Variants in APOH observed in about 807,000 individuals in gnomAD.
APOH encodes the protein apolipoprotein H.
A neutral mutation model predicts 39.8 loss-of-function variants in APOH; 48 were observed. The ratio of observed to expected loss-of-function variants is 1.21; its 90% confidence interval spans 0.96 to 1.54. The LOEUF is 1.54. Ranked by LOEUF, APOH falls within the 40% of genes most tolerant of loss-of-function variation. APOH has a pLI of 0.00. For missense variants in APOH, 415 were observed against 421.2 expected, an observed-to-expected ratio of 0.99 and a Z score of 0.13; for synonymous variants, 153 against 151.1, an observed-to-expected ratio of 1.01 and a Z score of -0.09.
intron 3 of APOH, among the ~76,000 whole-genome samples, chr17:66,224,857 A>T (rs928051602): frequency 6.6e-6 from 1 of 152,028 alleles, no homozygotes; most frequent in Non-Finnish European, 1.5e-5. Flanking sequence ...TCACAAGGTC[A>T]GGAGTCCAAG....
In APOH at chr17:66,229,089, A is replaced by G. The variant is rs569623430; in HGVS notation, c.64+227T>C. On this transcript the variant is annotated intron_variant, in intron 1 of 7. Transcript: ENST00000205948. ...CTCAACTGATTCGCCCACCTCGGCC[A>G]TGATGCCCAGCTAATTTTTGTATTT... 1.3e-3 allele frequency among the ~76,000 whole-genome samples: 197 copies of G among 152,044 alleles called. 1 individual carries two copies. Among genetic ancestry groups the G allele is most frequent in the Non-Finnish European group, 2.3e-3 (159 of 67,984 alleles).
At chr17:66,220,521 AC>A in intron 5 of APOH, 32 bp downstream of exon 5, 1 of 1,598,490 alleles carries the variant, frequency 6.3e-7, no homozygotes, top group Non-Finnish European at 8.6e-7. Context: ...ATCTTGCCCT[AC>A]CATGCGTATT....
At chr17:66,226,621 C>CAAAA (rs60139772) in intron 2 of APOH, among the ~76,000 whole-genome samples, 7 of 133,818 alleles carry the variant, frequency 5.2e-5, no homozygotes, top group Admixed American at 7.5e-5. Context: ...ACTCCGTCTC[C>CAAAA]AAAAAAAAAA....
At chr17:66,218,452 G>A (rs78001968) in intron 5 of APOH, among the ~76,000 whole-genome samples, 11,112 of 151,970 alleles carry the variant, frequency 0.073, 425 homozygotes, top group African/African-American at 0.098. Context: ...GAGACTACAG[G>A]CGCACGCCAC....
intron 6 of APOH, 141 bp from the exon 7 acceptor site, chr17:66,214,791 T>C (rs2073354933): frequency 1.5e-6 from 1 of 676,290 alleles, no homozygotes; most frequent in African/African-American, 1.8e-5. Flanking sequence ...ATATAGTAAG[T>C]AATGGTAATA....
Position 66,214,468 on chromosome 17 carries a change from G to C in APOH, c.967C>G (p.Pro323Ala). The change falls in exon 7 of 8, where the codon CCC (proline) becomes GCC (alanine). Residue 323 changes from proline to alanine, a missense_variant. Coordinates refer to ENST00000205948, the MANE Select transcript of APOH (RefSeq NM_000042.3). ...AQCIDGTIEV[P>A]KCFKEHSSLA... is the part of the protein sequence containing the mutation. ...GCAGACTTACCCTTGAAGCATTTGGGGACTTCGATAGTGCCATCTATACAC... is the reference window on the plus strand; with the variant it reads ...GCAGACTTACCCTTGAAGCATTTGGCGACTTCGATAGTGCCATCTATACAC... The C allele has an allele frequency of 6.2e-7, 1 of 1,613,692 alleles. No homozygotes were observed. The highest frequency in any genetic ancestry group is 1.3e-5 in the African/African-American group (1 of 75,006).
intron 4 of APOH, among the ~76,000 whole-genome samples, chr17:66,220,996 C>T (rs1250119736): frequency 6.6e-6 from 1 of 151,912 alleles, no homozygotes; most frequent in Non-Finnish European, 1.5e-5. Flanking sequence ...AATTTCAGAC[C>T]AGCCTGGTCA....
intron 3 of APOH, among the ~76,000 whole-genome samples, chr17:66,224,195 A>G (rs1290331718): frequency 6.6e-6 from 1 of 152,158 alleles, no homozygotes; most frequent in African/African-American, 2.4e-5. Flanking sequence ...TAGCATTCTG[A>G]CTGGGTACTT....
At chr17:66,216,713 C>T (rs988048954) in intron 6 of APOH, 75 bp downstream of exon 6, 4 of 1,421,434 alleles carry the variant, frequency 2.8e-6, no homozygotes, top group Non-Finnish European at 3.8e-6. Context: ...AGTGTTGGAA[C>T]AAGAAAATAG....
intron 5 of APOH, among the ~76,000 whole-genome samples, chr17:66,217,501 C>T (rs138926766): frequency 6.6e-6 from 1 of 152,150 alleles, no homozygotes; most frequent in East Asian, 1.9e-4. Flanking sequence ...ACAGTAGAGG[C>T]CCAAACCCAC....
chr17:66,220,807 G>T, intron 4 of APOH, 65 bp from the exon 5 acceptor site: 2 of 1,376,398 alleles, frequency 1.5e-6, no homozygotes, highest in Non-Finnish European at 2.0e-6. Flanking sequence ...ACTCTTTCCA[G>T]AAAGAAAAAA....
chr17:66,212,144 T>A lies in APOH; in HGVS notation c.1027A>T (p.Lys343Ter), dbSNP rs760240363. ...ATCTGAAAACCACCTTAGCATGGCT[T>A]TACATCGGATGCATCAGTTTTCCAA... ...AFWKTDASDV[K>*]PC Residue 343 changes from lysine to a stop codon, truncating the protein, a stop_gained, in exon 8 of 8, where the codon AAG becomes TAG. Transcript: ENST00000205948. LOFTEE classifies it high-confidence loss of function. 3 of 1,613,740 alleles carry A rather than the reference T, an allele frequency of 1.9e-6. No homozygotes were observed. The highest frequency in any genetic ancestry group is 3.3e-5 in the Admixed American group (2 of 59,994).
In APOH at chr17:66,219,748, G is replaced by A. The variant is rs148774873; in HGVS notation, c.604+806C>T. ...AGCCAGATGATCATGGTGAAACTCC[G>A]TCTCTACTAAAAATACAAAAATTAG... On this transcript the variant is annotated intron_variant, in intron 5 of 7. Transcript: ENST00000205948. 4.1e-3 allele frequency among the ~76,000 whole-genome samples: 629 copies of A among 152,128 alleles called. 3 individuals are homozygous for A. The highest frequency in any genetic ancestry group is 6.8e-3 in the Non-Finnish European group (464 of 67,992).
chr17:66,216,936 GTC>G lies in APOH; in HGVS notation c.634_635del (p.Asp212GlnfsTer17), dbSNP rs771107907. ...EVKCPFPSRP[D>X]NGFVNYPAKP... ...TTGCAGGATAGTTCACAAATCCATT[GTC>G]TGGTCTTGATGGGAATGGGCATTTT... is the stretch of plus-strand genomic sequence containing the variant. On this transcript the variant is annotated frameshift_variant, in exon 6 of 8. Coordinates refer to ENST00000205948, the MANE Select transcript of APOH (RefSeq NM_000042.3). LOFTEE classifies it high-confidence loss of function. The G allele has an allele frequency of 4.4e-6, 7 of 1,606,358 alleles. No homozygotes were observed. The Admixed American group carries it at 1.2e-4, about 28-fold the overall frequency.
At chr17:66,221,059 G>A (rs1012865626) in intron 4 of APOH, among the ~76,000 whole-genome samples, 1 of 151,892 alleles carries the variant, frequency 6.6e-6, no homozygotes, top group South Asian at 2.1e-4. Flanking sequence ...CAGGCATGGA[G>A]GTGTGTGTCT....
intron 4 of APOH, among the ~76,000 whole-genome samples, chr17:66,222,267 T>TCTGGTGGC (rs1362330706): frequency 3.9e-5 from 6 of 151,952 alleles, no homozygotes; most frequent in Non-Finnish European, 1.5e-5. Flanking sequence ...CGCTCATCTA[T>TCTGGTGGC]AGTCTCAGCT....
Position 66,214,619 on chromosome 17 carries a change from A to C in APOH, c.816T>G (p.Thr272=), listed in dbSNP as rs754934177. ...TTACTCTCTCTCCTTGGTACACCAC[A>C]GTGGCTTTTTTCACAGGTACTTTAC... ...ASCKVPVKKA[T]VVYQGERVKI... Residue 272 remains threonine, a synonymous_variant, in exon 7 of 8, where the codon ACT becomes ACG. Transcript: ENST00000205948. 7.0e-5 allele frequency: 113 copies of C among 1,613,504 alleles called. No individual in the cohort carries two copies. Among genetic ancestry groups the C allele is most frequent in the Non-Finnish European group, 8.7e-5 (103 of 1,179,882 alleles).
At chr17:66,215,432 T>C (rs1003494663) in intron 6 of APOH, among the ~76,000 whole-genome samples, 9 of 152,200 alleles carry the variant, frequency 5.9e-5, no homozygotes, top group African/African-American at 1.2e-4. Flanking sequence ...GTGTTGCTGA[T>C]CCACAGCGAA....
At chr17:66,219,371 A>G (rs2073384103) in intron 5 of APOH, among the ~76,000 whole-genome samples, 1 of 152,144 alleles carries the variant, frequency 6.6e-6, no homozygotes, top group African/African-American at 2.4e-5. Context: ...AGAGAGAAAA[A>G]TGTTACAACA....
Sources: allele counts gnomAD v4.1 joint callset (sites outside exome capture counted in the v4.1 genomes callset), GRCh38; gene constraint gnomAD v4.1.1; transcripts MANE v1.5; gene names NCBI Gene and HGNC (gene_info 2026-07-23, HGNC 2026-07-21).